The following CUX2 variants were observed in gnomAD, a reference collection of about 807,000 sequenced individuals.
The protein encoded by CUX2 is cut like homeobox 2.
In CUX2, 40 loss-of-function variants were observed where a neutral mutation model predicts 144.8. The ratio of observed to expected loss-of-function variants is 0.28; its 90% confidence interval spans 0.21 to 0.36. CUX2 has a LOEUF of 0.36. CUX2 is among the 10% of genes least tolerant of loss of function. The pLI, the probability that CUX2 is intolerant of heterozygous loss-of-function variation, is 1.00. For synonymous variants in CUX2, 827 were observed against 875.6 expected (o/e 0.94, Z 0.98); for missense variants, 1,615 against 1,994.0 (o/e 0.81, Z 3.62).
At chr12:111,062,838 T>C (rs1221332191) in intron 1 of CUX2, among the ~76,000 whole-genome samples, 2 of 152,152 alleles carry the variant, frequency 1.3e-5, no homozygotes, top group African/African-American at 4.8e-5. Flanking sequence ...AGGAGCGAGA[T>C]GTGCGAAGGC....
chr12:111,126,333 T>G (rs1210667164), intron 1 of CUX2, among the ~76,000 whole-genome samples: 3 of 152,236 alleles, frequency 2.0e-5, no homozygotes, highest in Non-Finnish European at 4.4e-5. Flanking sequence ...GGTCTCAAAC[T>G]CCTGACCTCA....
At chr12:111,140,756 C>T (rs1299501385) in intron 1 of CUX2, among the ~76,000 whole-genome samples, 2 of 152,228 alleles carry the variant, frequency 1.3e-5, no homozygotes, top group Non-Finnish European at 2.9e-5. Context: ...AGGTCCCTAA[C>T]GTGAACTCGA....
intron 18 of CUX2, 80 bp from the exon 19 acceptor site, chr12:111,334,361 T>G: frequency 6.8e-7 from 1 of 1,463,406 alleles, no homozygotes; most frequent in South Asian, 1.4e-5. Context: ...AACTCTTGGC[T>G]GTAAGAAGCA....
chr12:111,302,687 C>A (rs181776214), intron 9 of CUX2, among the ~76,000 whole-genome samples: 16 of 151,720 alleles, frequency 1.1e-4, no homozygotes, highest in African/African-American at 3.9e-4. Context: ...ATTGCTTAAG[C>A]CCAGGAGTTA....
At position 111,039,203 on chromosome 12, in the gene CUX2, G is replaced by GTT. The variant is rs1869615758; in HGVS notation, c.63+4963_63+4964insTT. 6.6e-6 allele frequency among the ~76,000 whole-genome samples: 1 copy of GTT among 152,170 alleles called. No homozygotes were observed. Among genetic ancestry groups the GTT allele is most frequent in the Non-Finnish European group, 1.5e-5 (1 of 68,030 alleles). On this transcript the variant is annotated intron_variant, in intron 1 of 21. Transcript: ENST00000261726. This position sits in a 1 kb window ranked among gnomAD's most constrained non-coding sequence, Gnocchi z 4.2. ...TAATTCAAAGGCCGGGCCTGGCAGA[G>GTT]GTGAAGCATTGGAAGGGGACTCAGG... is the stretch of plus-strand genomic sequence containing the variant.
chr12:111,094,814 A>G (rs969835320), intron 1 of CUX2, among the ~76,000 whole-genome samples: 1 of 152,156 alleles, frequency 6.6e-6, no homozygotes, highest in Admixed American at 6.5e-5. Flanking sequence ...CCTTTTAAGC[A>G]ATAGAAGTGA....
At chr12:111,275,141 C>G (rs1287027614) in intron 4 of CUX2, among the ~76,000 whole-genome samples, 1 of 152,056 alleles carries the variant, frequency 6.6e-6, no homozygotes, top group Non-Finnish European at 1.5e-5. Context: ...ATGAATTAGC[C>G]ATTTTACTAA....
intron 1 of CUX2, among the ~76,000 whole-genome samples, chr12:111,088,554 A>C (rs908173430): frequency 6.6e-6 from 1 of 152,042 alleles, no homozygotes; most frequent in African/African-American, 2.4e-5. Flanking sequence ...ATAGCAGCGG[A>C]CTGAATCCCT....
intron 1 of CUX2, among the ~76,000 whole-genome samples, chr12:111,145,636 G>A (rs911367678): frequency 5.3e-5 from 8 of 152,048 alleles, no homozygotes; most frequent in African/African-American, 1.4e-4. Flanking sequence ...CCAAAGTGCC[G>A]GGATTACAGG....
At chr12:111,298,808 A>T (rs1886144957) in intron 9 of CUX2, among the ~76,000 whole-genome samples, 1 of 152,096 alleles carries the variant, frequency 6.6e-6, no homozygotes, top group African/African-American at 2.4e-5. Context: ...TGGGGTAGGG[A>T]ATGCAGACAG....
chr12:111,128,784 G>A (rs1318065605), intron 1 of CUX2, among the ~76,000 whole-genome samples: 1 of 152,176 alleles, frequency 6.6e-6, no homozygotes, highest in Non-Finnish European at 1.5e-5. Flanking sequence ...CCAGATGGGG[G>A]CCTGTCGAAG....
chr12:111,254,370 C>T (rs1479270860), intron 3 of CUX2, among the ~76,000 whole-genome samples: 1 of 152,200 alleles, frequency 6.6e-6, no homozygotes, highest in Non-Finnish European at 1.5e-5. Context: ...GCTGCTGTTG[C>T]AGAGTTGCTG....
At position 111,171,040 on chromosome 12, in the gene CUX2, G is replaced by A. The variant is rs1423759416; in HGVS notation, c.64-43160G>A. 1.3e-5 allele frequency among the ~76,000 whole-genome samples: 2 copies of A among 152,154 alleles called. No homozygotes were observed. Among genetic ancestry groups the A allele is most frequent in the Non-Finnish European group, 2.9e-5 (2 of 68,016 alleles). ...TAGGGTCCAGCAAGGTGTTCTGGTT[G>A]CCCTGGTGATGCCTCTTGGGCTGTG... On this transcript the variant is annotated intron_variant, in intron 1 of 21. Coordinates refer to ENST00000261726, the MANE Select transcript of CUX2 (RefSeq NM_015267.4). This position sits in a 1 kb window ranked among gnomAD's most constrained non-coding sequence, Gnocchi z 5.0.
intron 1 of CUX2, among the ~76,000 whole-genome samples, chr12:111,198,206 T>TG (rs913532761): frequency 2.0e-5 from 3 of 152,164 alleles, no homozygotes; most frequent in Non-Finnish European, 4.4e-5. Context: ...CAGGTGCGGG[T>TG]GGCTCATGCC....
At chr12:111,055,275 T>C (rs1377829632) in intron 1 of CUX2, among the ~76,000 whole-genome samples, 1 of 152,206 alleles carries the variant, frequency 6.6e-6, no homozygotes, top group Non-Finnish European at 1.5e-5. Context: ...ATCAGGGATG[T>C]CAGAGTCCCA....
intron 1 of CUX2, among the ~76,000 whole-genome samples, chr12:111,165,434 A>G (rs1481472325): frequency 6.6e-6 from 1 of 152,214 alleles, no homozygotes; most frequent in Non-Finnish European, 1.5e-5. Flanking sequence ...GAGTGGACAC[A>G]GACTGTCGTC....
intron 1 of CUX2, among the ~76,000 whole-genome samples, chr12:111,101,060 G>T (rs752188594): frequency 1.2e-4 from 18 of 152,300 alleles, no homozygotes; most frequent in Non-Finnish European, 2.5e-4. Flanking sequence ...TCTGTAGCTT[G>T]GGCGATAAAA....
chr12:111,253,217 C>T (rs551334729), intron 3 of CUX2, among the ~76,000 whole-genome samples: 1 of 152,288 alleles, frequency 6.6e-6, no homozygotes, highest in Admixed American at 6.5e-5. Flanking sequence ...TGAATCTGCT[C>T]TCCTCTGCAC....
chr12:111,201,286 C>T (rs539455268), intron 1 of CUX2, among the ~76,000 whole-genome samples: 2 of 152,290 alleles, frequency 1.3e-5, no homozygotes, highest in Admixed American at 1.3e-4. Flanking sequence ...CAGTCTCTTG[C>T]CCGCACGGTT....
Sources: gnomAD v4.1 joint callset for allele counts (sites outside exome capture counted in the v4.1 genomes callset) on GRCh38, gnomAD v4.1.1 for gene constraint, Gnocchi (gnomAD v3.1) non-coding constraint, MANE v1.5 for transcripts, NCBI Gene and HGNC (gene_info 2026-07-23, HGNC 2026-07-21) for gene names.